The following FBXW2 variants were observed in gnomAD, a reference collection of about 807,000 sequenced individuals.
FBXW2 encodes F-box/WD repeat-containing protein 2.
A neutral mutation model predicts 46.0 loss-of-function variants in FBXW2; 12 were observed. The observed-to-expected ratio is 0.26, with a 90% CI of 0.17 to 0.42. The LOEUF is 0.42. Ranked by LOEUF, FBXW2 falls within the 10% of genes least tolerant of loss-of-function variation. FBXW2 has a pLI of 1.00. For missense variants in FBXW2, 360 were observed against 537.0 expected (o/e 0.67, Z 3.26); for synonymous variants, 203 against 209.6 (o/e 0.97, Z 0.27).
Position 120,758,940 on chromosome 9 carries a change from A to G in FBXW2, c.*5619T>C, listed in dbSNP as rs1050806236. On this transcript the variant is annotated 3_prime_UTR_variant, in exon 8 of 8. Coordinates refer to ENST00000608872, the MANE Select transcript of FBXW2 (RefSeq NM_012164.4). ...CCCATCCCTTCATTTGCAACTATTC[A>G]TGAAATTCACCAAAATTATTTCCTT... 3 of 152,312 alleles carry G rather than the reference A, an allele frequency of 2.0e-5. No homozygotes were observed. The highest frequency in any genetic ancestry group is 1.9e-4 in the East Asian group (1 of 5,184). 9.4% of individuals were successfully genotyped at this position (152,312 alleles called of 1,614,324 possible).
In FBXW2 at chr9:120,764,225, C is replaced by A; in HGVS notation, c.*334G>T. The A allele has an allele frequency of 2.5e-6, 1 of 404,314 alleles. No homozygotes were observed. Among genetic ancestry groups the A allele is most frequent in the Non-Finnish European group, 4.4e-6 (1 of 229,570 alleles). 25.0% of individuals were successfully genotyped at this position (404,314 alleles called of 1,614,324 possible). On this transcript the variant is annotated 3_prime_UTR_variant, in exon 8 of 8. Transcript: ENST00000608872. The stretch of plus-strand genomic sequence containing the variant: ...TGTGATTTCATAGGCAACCAATTAG[C>A]AGATTAATGGATCATTTAACTTTCT...
chr9:120,774,337 CAAAAAA>C (rs34199690), intron 5 of FBXW2, among the ~76,000 whole-genome samples: 1 of 76,118 alleles, frequency 1.3e-5, no homozygotes, highest in Admixed American at 1.4e-4. Context: ...AACTCCATCT[CAAAAAA>C]AAAAAAAAAA....
chr9:120,777,325 A>C (rs1003022924), intron 4 of FBXW2, among the ~76,000 whole-genome samples: 1 of 152,250 alleles, frequency 6.6e-6, no homozygotes, highest in African/African-American at 2.4e-5. Context: ...AGGAGGACAA[A>C]TAAAATGAAG....
rs2044202581 is a variant in FBXW2 at position 120,761,986 on chromosome 9, G to T, written c.*2573C>A. On this transcript the variant is annotated 3_prime_UTR_variant, in exon 8 of 8. Coordinates refer to ENST00000608872, the MANE Select transcript of FBXW2 (RefSeq NM_012164.4). ...TTGAAGCTATTGGATAGATCTGAAAGTGAGGTAGGGTGGGGATGGTCATTA... is the reference window on the plus strand; with the variant it reads ...TTGAAGCTATTGGATAGATCTGAAATTGAGGTAGGGTGGGGATGGTCATTA... 1 of 152,224 alleles carries T rather than the reference G, an allele frequency of 6.6e-6. No individual in the cohort carries two copies. Among genetic ancestry groups the T allele is most frequent in the Non-Finnish European group, 1.5e-5 (1 of 68,064 alleles). The allele number at this position is 152,224 out of a possible 1,614,324, so 9.4% of individuals were successfully genotyped here. A position where few individuals can be genotyped will look rare whatever the true frequency, so the allele number is the denominator to read the frequency against.
At chr9:120,781,112 AAAGG>A (rs2044602865) in intron 3 of FBXW2, among the ~76,000 whole-genome samples, 1 of 152,220 alleles carries the variant, frequency 6.6e-6, no homozygotes, top group South Asian at 2.1e-4. Flanking sequence ...AAACAAAACA[AAAGG>A]AATAGTATAT....
chr9:120,774,291 C>T (rs576396430), intron 5 of FBXW2, among the ~76,000 whole-genome samples: 4 of 143,628 alleles, frequency 2.8e-5, no homozygotes, highest in African/African-American at 5.2e-5. Context: ...GAGCCGAGAT[C>T]GTGCCACTGC....
intron 3 of FBXW2, among the ~76,000 whole-genome samples, chr9:120,785,191 T>G (rs1273452193): frequency 6.6e-6 from 1 of 151,972 alleles, no homozygotes; most frequent in Non-Finnish European, 1.5e-5. Flanking sequence ...TATTTTTTTG[T>G]AGAGATGGGA....
intron 2 of FBXW2, chr9:120,792,884 C>G (rs2044879761): frequency 1.5e-5 from 22 of 1,516,858 alleles, no homozygotes; most frequent in Non-Finnish European, 1.8e-5. Flanking sequence ...CCCACATACA[C>G]ACCTGTTTTC....
intron 3 of FBXW2, among the ~76,000 whole-genome samples, chr9:120,780,011 G>A (rs754667382): frequency 9.2e-5 from 14 of 151,558 alleles, no homozygotes; most frequent in Non-Finnish European, 2.1e-4. Flanking sequence ...ATGATGGCGC[G>A]CCTATATTCC....
intron 3 of FBXW2, among the ~76,000 whole-genome samples, chr9:120,786,912 T>C (rs2044734754): frequency 6.6e-6 from 1 of 152,224 alleles, no homozygotes. Flanking sequence ...AATTACTTAA[T>C]TGCCTAGTTA....
chr9:120,780,311 C>T (rs2044584315), intron 3 of FBXW2, among the ~76,000 whole-genome samples: 5 of 148,608 alleles, frequency 3.4e-5, no homozygotes, highest in Admixed American at 3.4e-4. Context: ...GCCAAGATCA[C>T]ACCACTGCAC....
rs74827649 is a variant in FBXW2, at chr9:120,793,376, C to A, written c.-152G>T. The A allele has an allele frequency of 2.5e-6, 1 of 400,760 alleles. No individual in the cohort carries two copies. The allele number at this position is 400,760 out of a possible 1,614,324, so 24.8% of individuals were successfully genotyped here. On this transcript the variant is annotated 5_prime_UTR_variant, in exon 1 of 8. Transcript: ENST00000608872. Reference sequence around the variant, plus strand: ...GACCCGGACCTGCGGCCGCTGCTCCCGGTCCGCAGCCTCACAGGGGAGCGG... The same window carrying A: ...GACCCGGACCTGCGGCCGCTGCTCCAGGTCCGCAGCCTCACAGGGGAGCGG...
chr9:120,774,063 C>T (rs1018237860), intron 5 of FBXW2, among the ~76,000 whole-genome samples: 2 of 151,996 alleles, frequency 1.3e-5, no homozygotes, highest in Admixed American at 1.3e-4. Context: ...CAGCTGGGCA[C>T]GGTGGCTCAC....
chr9:120,780,547 T>A (rs879639118), intron 3 of FBXW2, among the ~76,000 whole-genome samples: 1 of 152,138 alleles, frequency 6.6e-6, no homozygotes, highest in Non-Finnish European at 1.5e-5. Flanking sequence ...AAAAACCACA[T>A]GGCGCTAGTG....
chr9:120,776,230 G>C lies in FBXW2; in HGVS notation c.686-4C>G. 6.2e-7 allele frequency: 1 copy of C among 1,612,530 alleles called. No individual in the cohort carries two copies. The highest frequency in any genetic ancestry group is 8.5e-7 in the Non-Finnish European group (1 of 1,179,392). The stretch of plus-strand genomic sequence containing the variant: ...TCATTGTAGTCCACGCTAAATACTA[G>C]TGCATATAATTACACAAAGTTAAAA... On this transcript the variant is annotated splice_region_variant and splice_polypyrimidine_tract_variant and intron_variant, in intron 4 of 7. Transcript: ENST00000608872.
intron 4 of FBXW2, among the ~76,000 whole-genome samples, chr9:120,778,149 T>C (rs1214175278): frequency 1.4e-5 from 2 of 147,764 alleles, no homozygotes; most frequent in Non-Finnish European, 3.0e-5. Context: ...GGTACACACA[T>C]AGAAGAAAGC....
intron 7 of FBXW2, among the ~76,000 whole-genome samples, chr9:120,770,914 T>C (rs2044363622): frequency 1.3e-5 from 2 of 152,196 alleles, no homozygotes; most frequent in Admixed American, 6.6e-5. Context: ...TAAGTCTCTG[T>C]CTTTCTACTA....
intron 7 of FBXW2, among the ~76,000 whole-genome samples, chr9:120,768,333 C>G (rs2044311181): frequency 6.6e-6 from 1 of 152,232 alleles, no homozygotes. Context: ...ATTAAACAAC[C>G]TGTTTGCAAT....
At chr9:120,785,937 C>T (rs151158808) in intron 3 of FBXW2, among the ~76,000 whole-genome samples, 571 of 144,976 alleles carry the variant, frequency 3.9e-3, no homozygotes, top group Non-Finnish European at 5.8e-3. Context: ...GCAGGAGACT[C>T]GAACCCTGGA....
Sources: gnomAD v4.1 joint callset for allele counts (sites outside exome capture counted in the v4.1 genomes callset) on GRCh38, gnomAD v4.1.1 for gene constraint, MANE v1.5 for transcripts, NCBI Gene and HGNC (gene_info 2026-07-23, HGNC 2026-07-21) for gene names.